The following LIMA1 variants were observed in gnomAD, a reference collection of about 807,000 sequenced individuals.
LIMA1 encodes the protein LIM domain and actin binding 1, also known as LIM domain and actin-binding protein 1.
In LIMA1, 52 loss-of-function variants were observed where a neutral mutation model predicts 62.6. That is an observed-to-expected ratio of 0.83 (90% CI 0.67 to 1.05). The LOEUF (loss-of-function observed/expected upper bound fraction) is 1.05. LIMA1 is among the 50% of genes least tolerant of loss of function. LIMA1 has a pLI of 0.00. For missense variants in LIMA1, 780 were observed against 902.2 expected (o/e 0.86, Z 1.74); for synonymous variants, 302 against 317.8 (o/e 0.95, Z 0.53).
intron 5 of LIMA1, among the ~76,000 whole-genome samples, chr12:50,205,415 G>T (rs2138487771): frequency 6.6e-6 from 1 of 152,150 alleles, no homozygotes; most frequent in Admixed American, 6.6e-5. Context: ...AAAAAGAAGA[G>T]ATCTCAATGC....
At chr12:50,236,465 G>A (rs1941695744) in intron 2 of LIMA1, among the ~76,000 whole-genome samples, 1 of 151,002 alleles carries the variant, frequency 6.6e-6, no homozygotes, top group African/African-American at 2.4e-5. Flanking sequence ...ACCCGGATAA[G>A]CTTTTTGTAT....
chr12:50,197,781 G>A (rs1940962551), intron 7 of LIMA1, among the ~76,000 whole-genome samples: 1 of 149,620 alleles, frequency 6.7e-6, no homozygotes, highest in Admixed American at 6.7e-5. Context: ...TCAATGCTGG[G>A]AATATTTTTC....
chr12:50,270,389 A>G (rs1195053235), intron 1 of LIMA1, among the ~76,000 whole-genome samples: 1 of 151,906 alleles, frequency 6.6e-6, no homozygotes, highest in Non-Finnish European at 1.5e-5. Context: ...GCTTGAGTTC[A>G]GGAGTTCAAG....
chr12:50,240,052 ATAAC>A (rs1482123081), intron 2 of LIMA1, among the ~76,000 whole-genome samples: 4,215 of 147,274 alleles, frequency 0.029, 129 homozygotes, highest in East Asian at 0.11. Context: ...ATAACATAAC[ATAAC>A]ATAAAATAAA....
At chr12:50,178,920 A>T (rs951686048) in intron 10 of LIMA1, among the ~76,000 whole-genome samples, 2 of 151,678 alleles carry the variant, frequency 1.3e-5, no homozygotes, top group Non-Finnish European at 2.9e-5. Flanking sequence ...TTTGTGCTTG[A>T]ATTAACTCTA....
rs759162392 is a variant in LIMA1 at position 50,177,103 on chromosome 12, C to T, written c.2241G>A (p.Lys747=). Residue 747 remains lysine, a synonymous_variant, in exon 11 of 11, where the codon AAG becomes AAA. Transcript: ENST00000341247. The part of the protein sequence containing the change: ...VKELSVEEQI[K]RNRYYDEDED... ...CATCCTCATCATAATACCGATTTCT[C>T]TTTATCTGTTCTTCCACAGAGAGCT... 6.2e-6 allele frequency: 10 copies of T among 1,601,486 alleles called. No individual in the cohort carries two copies. In the South Asian group the frequency reaches 1.1e-4, roughly 18 times the overall value.
At chr12:50,228,890 T>G (rs1441392890) in intron 3 of LIMA1, among the ~76,000 whole-genome samples, 1 of 152,214 alleles carries the variant, frequency 6.6e-6, no homozygotes, top group Non-Finnish European at 1.5e-5. Context: ...TTCTTTTATT[T>G]TTTACTTTTT....
intron 1 of LIMA1, among the ~76,000 whole-genome samples, chr12:50,255,444 G>C (rs1941982199): frequency 6.6e-6 from 1 of 151,304 alleles, no homozygotes; most frequent in African/African-American, 2.4e-5. Flanking sequence ...TGTGGTCCCA[G>C]CTACTCAAGA....
chr12:50,220,615 T>C (rs1941424607), intron 4 of LIMA1: 1 of 152,188 alleles, frequency 6.6e-6, no homozygotes, highest in Admixed American at 6.6e-5. Flanking sequence ...TAGCAGGGTC[T>C]GGGAGGAGGA....
Position 50,231,705 on chromosome 12 carries a change from T to G in LIMA1, c.125A>C (p.Gln42Pro). ...SAIVEIFSKYQKAAEETNMEK... is the reference protein window; with the variant it reads ...SAIVEIFSKYPKAAEETNMEK... ...CATGTTTGTTTCTTCAGCTGCTTTC[T>G]GGTACCTTCAGAGAAGGGAAGGAAA... The change falls in exon 3 of 11, where the codon CAG (glutamine) becomes CCG (proline). Residue 42 changes from glutamine (Q) to proline (P), a missense_variant. Gln to Pro is a moderately conservative substitution (Grantham distance 76). Transcript: ENST00000341247. 1 of 1,613,442 alleles carries G rather than the reference T, an allele frequency of 6.2e-7. No individual in the cohort carries two copies. Among genetic ancestry groups the G allele is most frequent in the Non-Finnish European group, 8.5e-7 (1 of 1,179,340 alleles).
intron 3 of LIMA1, among the ~76,000 whole-genome samples, chr12:50,223,313 T>C (rs868390266): frequency 1.3e-5 from 2 of 151,518 alleles, no homozygotes; most frequent in Non-Finnish European, 2.9e-5. Context: ...AGAAACCCTG[T>C]CTCTAAAAAA....
At chr12:50,244,774 T>C (rs901286847) in intron 2 of LIMA1, among the ~76,000 whole-genome samples, 10 of 152,190 alleles carry the variant, frequency 6.6e-5, no homozygotes, top group African/African-American at 2.4e-4. Flanking sequence ...AGTGCTACTA[T>C]AGGACCCAAA....
At chr12:50,267,967 T>C (rs2071508890) in intron 1 of LIMA1, among the ~76,000 whole-genome samples, 1 of 152,212 alleles carries the variant, frequency 6.6e-6, no homozygotes, top group Non-Finnish European at 1.5e-5. Flanking sequence ...ATTTATTTTT[T>C]TAACGACATT....
At chr12:50,252,051 A>G (rs1941937705) in intron 1 of LIMA1, among the ~76,000 whole-genome samples, 1 of 152,348 alleles carries the variant, frequency 6.6e-6, no homozygotes, top group South Asian at 2.1e-4. Flanking sequence ...GCTTGCTGAC[A>G]TACACACAAA....
chr12:50,187,523 T>C (rs150412394), intron 9 of LIMA1: 1 of 152,322 alleles, frequency 6.6e-6, no homozygotes, highest in African/African-American at 2.4e-5. Flanking sequence ...GGAATATTCA[T>C]ATCTTAAATA....
At chr12:50,217,911 T>C (rs993778210) in intron 4 of LIMA1, 3 of 161,218 alleles carry the variant, frequency 1.9e-5, no homozygotes, top group Non-Finnish European at 2.7e-5. Flanking sequence ...TTTTCTTTTT[T>C]TTTTTTTTTT....
intron 4 of LIMA1, among the ~76,000 whole-genome samples, chr12:50,211,137 C>G (rs1235930486): frequency 6.6e-6 from 1 of 151,870 alleles, no homozygotes; most frequent in Non-Finnish European, 1.5e-5. Flanking sequence ...ACCTGGCCAA[C>G]CTGGTGAAAC....
chr12:50,181,607 T>C (rs1940503533), intron 10 of LIMA1, among the ~76,000 whole-genome samples: 1 of 152,230 alleles, frequency 6.6e-6, no homozygotes, highest in Non-Finnish European at 1.5e-5. Context: ...TTTGTGATTC[T>C]GTGATACCAA....
intron 1 of LIMA1, among the ~76,000 whole-genome samples, chr12:50,270,948 C>T (rs370606635): frequency 5.3e-5 from 8 of 151,912 alleles, no homozygotes; most frequent in African/African-American, 1.2e-4. Flanking sequence ...AAAAATTAGC[C>T]GGGCGTGGTG....
Sources: gnomAD v4.1 joint callset for allele counts (sites outside exome capture counted in the v4.1 genomes callset) on GRCh38, gnomAD v4.1.1 for gene constraint, MANE v1.5 for transcripts, NCBI Gene and HGNC (gene_info 2026-07-23, HGNC 2026-07-21) for gene names.